Variants in TBC1D1 observed in about 807,000 individuals in gnomAD.
The protein encoded by TBC1D1 is TBC1 (tre-2/USP6, BUB2, cdc16) domain family, member 1.
In TBC1D1, 89 loss-of-function variants were observed where a neutral mutation model predicts 125.6. The ratio of observed to expected loss-of-function variants is 0.71; its 90% CI spans 0.60 to 0.85. The LOEUF (loss-of-function observed/expected upper bound fraction) is 0.85, where lower values mean the gene tolerates loss of function less well. Among genes scored for constraint, TBC1D1 ranks in the 40% least tolerant of loss-of-function variants. The probability of loss-of-function intolerance (pLI) is 0.00; values close to 1 mark genes in which losing one functional copy is unlikely to be tolerated. For missense variants in TBC1D1, 1,377 were observed against 1,469.2 expected, an observed-to-expected ratio of 0.94 and a Z score of 1.03; for synonymous variants, 565 against 564.1, an observed-to-expected ratio of 1.00 and a Z score of -0.02.
intron 2 of TBC1D1, among the ~76,000 whole-genome samples, chr4:37,986,250 A>G (rs1735432850): frequency 6.6e-6 from 1 of 152,186 alleles, no homozygotes; most frequent in Admixed American, 6.5e-5. Context: ...ACCCAGAGCG[A>G]TGAAGTAACT....
chr4:38,017,344 T>C (rs1038406274), intron 3 of TBC1D1, among the ~76,000 whole-genome samples: 2 of 152,256 alleles, frequency 1.3e-5, no homozygotes, highest in Non-Finnish European at 2.9e-5. Flanking sequence ...TTTAGAAAGA[T>C]GTTGCATGTT....
chr4:38,051,934 G>A (rs1444773880), intron 11 of TBC1D1: 45 of 1,550,362 alleles, frequency 2.9e-5, no homozygotes, highest in Non-Finnish European at 3.3e-5. Context: ...TCTAAGCACC[G>A]CCCAGGTCAG....
chr4:37,948,353 G>A (rs941614927), intron 2 of TBC1D1, among the ~76,000 whole-genome samples: 1 of 152,182 alleles, frequency 6.6e-6, no homozygotes. Context: ...GAGGCTGGGC[G>A]TGGTGGCTCA....
intron 2 of TBC1D1, among the ~76,000 whole-genome samples, chr4:37,943,769 G>A (rs941811422): frequency 5.9e-5 from 9 of 152,126 alleles, no homozygotes; most frequent in East Asian, 1.9e-4. Flanking sequence ...GCTTCTTTGC[G>A]ATGGGTTCAA....
chr4:37,985,368 T>A (rs939465357), intron 2 of TBC1D1, among the ~76,000 whole-genome samples: 2 of 152,246 alleles, frequency 1.3e-5, no homozygotes, highest in Non-Finnish European at 2.9e-5. Flanking sequence ...TGTGCTCTTT[T>A]GTTAAATTTA....
chr4:37,965,676 G>A (rs1214976390), intron 2 of TBC1D1, among the ~76,000 whole-genome samples: 2 of 152,164 alleles, frequency 1.3e-5, no homozygotes, highest in Non-Finnish European at 2.9e-5. Context: ...GAGCAGATAT[G>A]TTTAGTTCTA....
chr4:37,950,566 C>G (rs1311218512), intron 2 of TBC1D1, among the ~76,000 whole-genome samples: 2 of 140,870 alleles, frequency 1.4e-5, no homozygotes, highest in Non-Finnish European at 3.1e-5. Context: ...AGCCACCTGC[C>G]CCCTCCCCTC....
chr4:38,011,445 C>T (rs1741483152), intron 2 of TBC1D1, among the ~76,000 whole-genome samples: 1 of 151,910 alleles, frequency 6.6e-6, no homozygotes, highest in Non-Finnish European at 1.5e-5. Flanking sequence ...ACAGATAGAA[C>T]CCATTTTTTA....
chr4:37,983,588 C>G (rs1734840780), intron 2 of TBC1D1, among the ~76,000 whole-genome samples: 1 of 152,138 alleles, frequency 6.6e-6, no homozygotes, highest in South Asian at 2.1e-4. Flanking sequence ...TCCCATATAG[C>G]CCCTGTCCCC....
intron 7 of TBC1D1, among the ~76,000 whole-genome samples, chr4:38,035,159 G>A (rs1305340461): frequency 6.6e-6 from 1 of 152,182 alleles, no homozygotes; most frequent in Admixed American, 6.5e-5. Context: ...GTGCTTCACG[G>A]TGAACACATT....
intron 2 of TBC1D1, among the ~76,000 whole-genome samples, chr4:37,998,571 C>T (rs1231003474): frequency 6.6e-6 from 1 of 152,214 alleles, no homozygotes; most frequent in Non-Finnish European, 1.5e-5. Flanking sequence ...CCCTCCCCTC[C>T]TGACCTCCCC....
intron 7 of TBC1D1, among the ~76,000 whole-genome samples, chr4:38,032,840 CA>C (rs1228708927): frequency 0.31 from 27,084 of 86,602 alleles, 3,161 homozygotes; most frequent in African/African-American, 0.49. Flanking sequence ...GACTCCATCT[CA>C]AAAAAAAAAA....
intron 2 of TBC1D1, among the ~76,000 whole-genome samples, chr4:38,011,080 A>G (rs1741376584): frequency 6.6e-6 from 1 of 152,218 alleles, no homozygotes. Context: ...GGCTGGGCAC[A>G]GTGGCTCACG....
At chr4:37,975,643 T>C (rs185064096) in intron 2 of TBC1D1, among the ~76,000 whole-genome samples, 1 of 152,350 alleles carries the variant, frequency 6.6e-6, no homozygotes, top group East Asian at 1.9e-4. Context: ...CAAGGAGCCC[T>C]CCTGGTGGCC....
At chr4:38,088,715 CT>C in intron 12 of TBC1D1, among the ~76,000 whole-genome samples, 1 of 152,234 alleles carries the variant, frequency 6.6e-6, no homozygotes, top group Non-Finnish European at 1.5e-5. Flanking sequence ...AACTCAGTCT[CT>C]TTACCACCAC....
chr4:37,900,011 C>G (rs1053835019), intron 1 of TBC1D1, among the ~76,000 whole-genome samples: 1 of 151,996 alleles, frequency 6.6e-6, no homozygotes, highest in African/African-American at 2.4e-5. Context: ...GTCCCAGCTA[C>G]TCGGGAGGCT....
At chr4:38,079,599 C>T (rs920873260) in intron 12 of TBC1D1, among the ~76,000 whole-genome samples, 2 of 152,032 alleles carry the variant, frequency 1.3e-5, no homozygotes, top group Admixed American at 1.3e-4. Flanking sequence ...TGGTGGTGTG[C>T]ACCCATAATT....
intron 19 of TBC1D1, 98 bp downstream of exon 21, chr4:38,133,355 A>G (rs1765927607): frequency 1.5e-5 from 17 of 1,133,720 alleles, no homozygotes; most frequent in Non-Finnish European, 2.2e-5. Flanking sequence ...CCATGACCAG[A>G]GGACCTTTCC....
chr4:37,985,771 G>A (rs1352542196), intron 2 of TBC1D1, among the ~76,000 whole-genome samples: 1 of 152,204 alleles, frequency 6.6e-6, no homozygotes, highest in Middle Eastern at 3.2e-3. Flanking sequence ...CCCTTGAATA[G>A]CTTGCAGTCT....
Sources: gnomAD v4.1 joint callset for allele counts (sites outside exome capture counted in the v4.1 genomes callset) on GRCh38, gnomAD v4.1.1 for gene constraint, MANE v1.5 for transcripts, NCBI Gene and HGNC (gene_info 2026-07-23, HGNC 2026-07-21) for gene names.